The following FRMPD4 variants were observed in gnomAD, a reference collection of about 807,000 sequenced individuals.
FRMPD4 encodes FERM and PDZ domain-containing protein 4.
A neutral mutation model predicts 94.1 loss-of-function variants in FRMPD4; 22 were observed. The observed-to-expected ratio is 0.23, with a 90% CI of 0.17 to 0.33. FRMPD4 has a LOEUF of 0.33. Ranked by LOEUF, FRMPD4 falls within the 10% of genes least tolerant of loss-of-function variation. FRMPD4 has a pLI of 1.00. For synonymous variants in FRMPD4, 631 were observed against 548.6 expected, an observed-to-expected ratio of 1.15 and a Z score of -2.10; for missense variants, 1,111 against 1,339.9, an observed-to-expected ratio of 0.83 and a Z score of 2.67.
chrX:12,533,285 C>T (rs1295955682), intron 2 of FRMPD4, among the ~76,000 whole-genome samples: 3 of 112,199 alleles, frequency 2.7e-5, no homozygotes, highest in Non-Finnish European at 5.6e-5. Flanking sequence ...ATGAGGCCTC[C>T]GCAACCACGT....
intron 1 of FRMPD4, among the ~76,000 whole-genome samples, chrX:11,824,743 A>G (rs2053431725): frequency 1.8e-5 from 2 of 111,717 alleles, no homozygotes; most frequent in Admixed American, 9.5e-5. Context: ...TGTCTAGACT[A>G]GACTTGGTTT....
chrX:11,908,826 A>C (rs914827680), intron 3 of FRMPD4, among the ~76,000 whole-genome samples: 1 of 111,811 alleles, frequency 8.9e-6, no homozygotes, highest in Non-Finnish European at 1.9e-5. Context: ...GTGTTTTGGG[A>C]AGATATTTTC....
chrX:12,139,040 C>A (rs1334638911), intron 1 of FRMPD4, 28 bp downstream of exon 1: 24 of 1,085,988 alleles, frequency 2.2e-5, no homozygotes, highest in Admixed American at 3.0e-5. Flanking sequence ...TCCGTTTGCA[C>A]CCAGGGCCGC....
chrX:12,519,507 A>G (rs1330748071), intron 2 of FRMPD4, among the ~76,000 whole-genome samples: 1 of 112,248 alleles, frequency 8.9e-6, no homozygotes, highest in Non-Finnish European at 1.9e-5. Flanking sequence ...TGGATATGAC[A>G]CCAAAAGCCT....
intron 1 of FRMPD4, among the ~76,000 whole-genome samples, chrX:12,293,587 T>A (rs1332797743): frequency 8.9e-6 from 1 of 112,921 alleles, no homozygotes; most frequent in Non-Finnish European, 1.9e-5. Flanking sequence ...ACTCTGGAAC[T>A]AATATTAGGT....
chrX:11,863,164 C>T (rs892572681), intron 1 of FRMPD4, among the ~76,000 whole-genome samples: 6 of 108,352 alleles, frequency 5.5e-5, no homozygotes, highest in Admixed American at 5.0e-4. Context: ...AATGCTATCC[C>T]TCCCCTCTCC....
intron 1 of FRMPD4, among the ~76,000 whole-genome samples, chrX:12,176,809 G>GAC (rs1327234700): frequency 8.9e-6 from 1 of 112,119 alleles, no homozygotes; most frequent in Non-Finnish European, 1.9e-5. Flanking sequence ...GAAAAGTCTA[G>GAC]TATTAGTGGA....
At chrX:12,099,764 C>T (rs1347675696) in intron 3 of FRMPD4, among the ~76,000 whole-genome samples, 1 of 112,110 alleles carries the variant, frequency 8.9e-6, no homozygotes, top group Non-Finnish European at 1.9e-5. Flanking sequence ...GTTATTATGC[C>T]AATTAACACA....
intron 1 of FRMPD4, among the ~76,000 whole-genome samples, chrX:12,375,537 C>T (rs1303799267): frequency 8.9e-6 from 1 of 112,631 alleles, no homozygotes; most frequent in African/African-American, 3.2e-5. Context: ...CTTCCAGTCC[C>T]TCTGACTTCT....
intron 1 of FRMPD4, among the ~76,000 whole-genome samples, chrX:12,162,941 C>T (rs1425620501): frequency 4.5e-5 from 5 of 111,761 alleles, no homozygotes; most frequent in African/African-American, 1.3e-4. Context: ...TGAATCTCTC[C>T]ACTACTAAAA....
At chrX:12,571,919 A>C (rs1424877995) in intron 2 of FRMPD4, among the ~76,000 whole-genome samples, 6 of 112,414 alleles carry the variant, frequency 5.3e-5, no homozygotes, top group Non-Finnish European at 9.4e-5. Flanking sequence ...TTTTATTTCT[A>C]TTTCTTTTAA....
intron 2 of FRMPD4, among the ~76,000 whole-genome samples, chrX:12,604,509 T>C (rs1328415691): frequency 2.7e-5 from 3 of 112,172 alleles, no homozygotes; most frequent in Middle Eastern, 4.7e-3. Context: ...ACGTAGGATT[T>C]GTGAGGCATT....
chrX:12,012,748 A>C (rs1211296803), intron 3 of FRMPD4, among the ~76,000 whole-genome samples: 2 of 112,504 alleles, frequency 1.8e-5, no homozygotes, highest in Non-Finnish European at 3.8e-5. Context: ...ATATAACATT[A>C]GTGTTTATAA....
At chrX:12,028,196 G>C (rs2054671525) in intron 3 of FRMPD4, among the ~76,000 whole-genome samples, 2 of 111,998 alleles carry the variant, frequency 1.8e-5, no homozygotes, top group South Asian at 7.6e-4. Context: ...TTATAGGACT[G>C]AAGTCCCCAC....
chrX:12,322,223 A>G (rs1203006622), intron 1 of FRMPD4, among the ~76,000 whole-genome samples: 1 of 111,719 alleles, frequency 9.0e-6, no homozygotes, highest in African/African-American at 3.3e-5. Flanking sequence ...CCAGGACTAT[A>G]CTATCTCTAG....
At chrX:12,099,105 G>A (rs1351289929) in intron 3 of FRMPD4, among the ~76,000 whole-genome samples, 7 of 102,721 alleles carry the variant, frequency 6.8e-5, no homozygotes, top group Non-Finnish European at 1.4e-4. Flanking sequence ...AGCACTGGGA[G>A]ATATACCTAA....
At chrX:11,889,588 C>T (rs1307285097) in intron 3 of FRMPD4, among the ~76,000 whole-genome samples, 4 of 112,534 alleles carry the variant, frequency 3.6e-5, no homozygotes, top group Non-Finnish European at 7.5e-5. Flanking sequence ...ATGTGTACAG[C>T]TATTAATTGC....
At chrX:11,979,246 A>T (rs1226522572) in intron 3 of FRMPD4, among the ~76,000 whole-genome samples, 2 of 112,057 alleles carry the variant, frequency 1.8e-5, no homozygotes, top group Non-Finnish European at 3.8e-5. Flanking sequence ...TATGCCATTT[A>T]GTTCTGTCTC....
intron 2 of FRMPD4, 37 bp downstream of exon 2, chrX:12,498,833 G>T: frequency 1.4e-6 from 1 of 740,528 alleles, no homozygotes; most frequent in Non-Finnish European, 2.0e-6. Flanking sequence ...TAGAATCCTT[G>T]GCCAATGGAC....
Sources: allele counts gnomAD v4.1 joint callset (sites outside exome capture counted in the v4.1 genomes callset), GRCh38; gene constraint gnomAD v4.1.1; transcripts MANE v1.5; gene names NCBI Gene and HGNC (gene_info 2026-07-23, HGNC 2026-07-21).